Variants in AGBL1 observed in about 807,000 individuals in gnomAD.
AGBL1 encodes the protein AGBL carboxypeptidase 1, also known as cytosolic carboxypeptidase 4.
Under a neutral mutation model 118.9 loss-of-function variants are expected in AGBL1, and 130 were observed. That is an observed-to-expected ratio of 1.09 (90% CI 0.95 to 1.26). The LOEUF is 1.26. Ranked by LOEUF, AGBL1 falls within the 50% of genes most tolerant of loss-of-function variation. The probability of loss-of-function intolerance (pLI) is 0.00; values close to 1 mark genes in which losing one functional copy is unlikely to be tolerated. For synonymous variants in AGBL1, 555 were observed against 478.9 expected, an observed-to-expected ratio of 1.16 and a Z score of -2.08; for missense variants, 1,584 against 1,298.1, an observed-to-expected ratio of 1.22 and a Z score of -3.38.
chr15:86,178,138 C>T (rs915077834), intron 5 of AGBL1, among the ~76,000 whole-genome samples: 17 of 152,120 alleles, frequency 1.1e-4, no homozygotes, highest in Admixed American at 3.9e-4. Flanking sequence ...GTGATGTAAC[C>T]CTGTCTCTAC....
chr15:86,732,512 G>A (rs1237857704), intron 22 of AGBL1, among the ~76,000 whole-genome samples: 1 of 152,106 alleles, frequency 6.6e-6, no homozygotes, highest in Non-Finnish European at 1.5e-5. Context: ...GGCAGATTTG[G>A]TTTTAGTTCC....
At chr15:86,930,371 C>T (rs527692773) in intron 23 of AGBL1, among the ~76,000 whole-genome samples, 1 of 152,026 alleles carries the variant, frequency 6.6e-6, no homozygotes, top group Non-Finnish European at 1.5e-5. Flanking sequence ...TATAAGGGGT[C>T]AGCGTGAGGC....
intron 15 of AGBL1, among the ~76,000 whole-genome samples, chr15:86,272,746 A>C (rs1317579083): frequency 6.6e-6 from 1 of 152,224 alleles, no homozygotes; most frequent in Admixed American, 6.5e-5. Context: ...ACTAGCCTGT[A>C]ATAAAAGAGT....
intron 7 of AGBL1, among the ~76,000 whole-genome samples, chr15:86,252,978 G>T (rs1028617548): frequency 2.0e-5 from 3 of 152,196 alleles, no homozygotes; most frequent in African/African-American, 7.2e-5. Context: ...TCGAAGAGCT[G>T]CTGTGTCACC....
chr15:86,960,330 C>T (rs114088833), intron 23 of AGBL1, among the ~76,000 whole-genome samples: 1 of 151,976 alleles, frequency 6.6e-6, no homozygotes, highest in Non-Finnish European at 1.5e-5. Context: ...ATGCTCATAT[C>T]TATAAACTAC....
intron 18 of AGBL1, among the ~76,000 whole-genome samples, chr15:86,413,257 G>A (rs2081646504): frequency 6.6e-6 from 1 of 152,104 alleles, no homozygotes; most frequent in Admixed American, 6.6e-5. Flanking sequence ...TGAAGTCCAG[G>A]CCTAAAACTT....
chr15:86,775,489 G>A (rs920120285), intron 22 of AGBL1, among the ~76,000 whole-genome samples: 14 of 152,086 alleles, frequency 9.2e-5, no homozygotes, highest in Non-Finnish European at 1.9e-4. Context: ...ATCCTGTGGT[G>A]GTGAGAGATG....
intron 18 of AGBL1, among the ~76,000 whole-genome samples, chr15:86,484,410 C>CT (rs1445483228): frequency 3.9e-5 from 6 of 152,036 alleles, no homozygotes; most frequent in Non-Finnish European, 1.5e-5. Flanking sequence ...TCCTGGGCCA[C>CT]TTTTTAATCA....
chr15:86,782,256 CA>C (rs2078346419), intron 22 of AGBL1, among the ~76,000 whole-genome samples: 2 of 151,922 alleles, frequency 1.3e-5, no homozygotes, highest in Admixed American at 1.3e-4. Context: ...GATTATTTGA[CA>C]ATAGTATTTA....
In AGBL1 at chr15:86,625,366, TTTTTTTTTTTTTGTTTTTG is replaced by T. The variant is rs1332586376; in HGVS notation, c.2995-48894_2995-48876del. 5.7e-4 allele frequency among the ~76,000 whole-genome samples: 27 copies of T among 47,548 alleles called. 4 individuals are homozygous for T. Among genetic ancestry groups the T allele is most frequent in the East Asian group, 2.3e-3 (2 of 862 alleles). 31.2% of individuals were successfully genotyped at this position (47,548 alleles called of 152,430 possible). A position where few individuals can be genotyped will look rare whatever the true frequency, so the allele number is the denominator to read the frequency against. ...GCCTCCAAGGTAGAAGAAATTAGCG[TTTTTTTTTTTTTGTTTTTG>T]TTTTTTTTTTTTTTTACAAACACAG... On this transcript the variant is annotated intron_variant, in intron 21 of 22. Coordinates refer to ENST00000614907, the MANE Select transcript of AGBL1 (RefSeq NM_001386094.1).
chr15:86,946,624 G>A (rs1292759383), intron 23 of AGBL1, among the ~76,000 whole-genome samples: 1 of 151,952 alleles, frequency 6.6e-6, no homozygotes, highest in Non-Finnish European at 1.5e-5. Flanking sequence ...GAGGCAGGTG[G>A]ATCGCCTGAG....
chr15:86,661,019 C>T (rs2085529196), intron 21 of AGBL1, among the ~76,000 whole-genome samples: 1 of 152,154 alleles, frequency 6.6e-6, no homozygotes, highest in Non-Finnish European at 1.5e-5. Context: ...ACAGTATGGA[C>T]TTAACTGCTT....
chr15:86,782,712 C>A (rs550935269), intron 22 of AGBL1, among the ~76,000 whole-genome samples: 6 of 151,914 alleles, frequency 3.9e-5, no homozygotes, highest in African/African-American at 1.5e-4. Context: ...GGATAGGTGG[C>A]AATAGGGAAG....
intron 22 of AGBL1, among the ~76,000 whole-genome samples, chr15:86,687,279 C>G (rs906366035): frequency 6.6e-6 from 1 of 152,112 alleles, no homozygotes; most frequent in Admixed American, 6.5e-5. Flanking sequence ...GCACCTCTGT[C>G]TGCAAAGTCG....
intron 17 of AGBL1, among the ~76,000 whole-genome samples, chr15:86,342,184 A>G (rs935719670): frequency 1.3e-5 from 2 of 152,122 alleles, no homozygotes; most frequent in Non-Finnish European, 2.9e-5. Context: ...CCAGTACTCA[A>G]TGTGTTCATG....
At chr15:86,146,307 A>G (rs576065153) in intron 3 of AGBL1, among the ~76,000 whole-genome samples, 2 of 152,388 alleles carry the variant, frequency 1.3e-5, no homozygotes, top group South Asian at 2.1e-4. Context: ...CAGTTTAACA[A>G]TGATTTACAT....
chr15:86,397,306 C>G (rs2081378866), intron 17 of AGBL1, 60 bp from the exon 18 acceptor site: 1 of 1,247,344 alleles, frequency 8.0e-7, no homozygotes, highest in East Asian at 2.7e-5. Flanking sequence ...GTTTAGAAAA[C>G]TATAAAATAG....
chr15:86,301,016 G>T (rs556776421), intron 17 of AGBL1, among the ~76,000 whole-genome samples: 1 of 152,218 alleles, frequency 6.6e-6, no homozygotes, highest in African/African-American at 2.4e-5. Context: ...TGGCTTCTTT[G>T]CAAATCATTT....
At chr15:86,625,894 C>A (rs1384508979) in intron 21 of AGBL1, among the ~76,000 whole-genome samples, 1 of 152,018 alleles carries the variant, frequency 6.6e-6, no homozygotes, top group Non-Finnish European at 1.5e-5. Context: ...CAAAGTACTG[C>A]AGGATTCAAT....
Sources: allele counts gnomAD v4.1 joint callset (sites outside exome capture counted in the v4.1 genomes callset), GRCh38; gene constraint gnomAD v4.1.1; transcripts MANE v1.5; gene names NCBI Gene and HGNC (gene_info 2026-07-23, HGNC 2026-07-21).